The following CHN2 variants were observed in gnomAD, a reference collection of about 807,000 sequenced individuals.
The protein encoded by CHN2 is beta-chimaerin.
In CHN2, 35 loss-of-function variants were observed where a neutral mutation model predicts 56.3. That is an observed-to-expected ratio of 0.62 (90% CI 0.47 to 0.82). The LOEUF (loss-of-function observed/expected upper bound fraction) is 0.82, where lower values mean the gene tolerates loss of function less well. Among genes scored for constraint, CHN2 ranks in the 40% least tolerant of loss-of-function variants. CHN2 has a pLI of 0.00. For synonymous variants in CHN2, 210 were observed against 212.8 expected (o/e 0.99, Z 0.12); for missense variants, 491 against 580.5 (o/e 0.85, Z 1.58).
chr7:29,360,578 T>C (rs1293534808), intron 2 of CHN2, among the ~76,000 whole-genome samples: 1 of 152,010 alleles, frequency 6.6e-6, no homozygotes, highest in Non-Finnish European at 1.5e-5. Flanking sequence ...CATGGCAGGG[T>C]GGAGGGTGGG....
intron 2 of CHN2, among the ~76,000 whole-genome samples, chr7:29,171,466 A>T (rs1364954460): frequency 2.6e-5 from 4 of 152,194 alleles, no homozygotes; most frequent in Non-Finnish European, 5.9e-5. Context: ...GTAAACTAAT[A>T]GGGTGGGGAT....
At chr7:29,380,103 C>A (rs1045032522) in intron 3 of CHN2, among the ~76,000 whole-genome samples, 2 of 152,112 alleles carry the variant, frequency 1.3e-5, no homozygotes, top group Non-Finnish European at 2.9e-5. Context: ...GGACTGTGGG[C>A]AAATTAGTTA....
intron 1 of CHN2, among the ~76,000 whole-genome samples, chr7:29,269,827 C>T (rs1440113080): frequency 6.6e-6 from 1 of 152,212 alleles, no homozygotes. Context: ...CCATCATAGT[C>T]TCAGCTTTTC....
intron 1 of CHN2, among the ~76,000 whole-genome samples, chr7:29,206,757 G>GAGCC (rs1274328415): frequency 2.0e-5 from 3 of 152,170 alleles, no homozygotes; most frequent in Non-Finnish European, 4.4e-5. Flanking sequence ...TCAACATGGA[G>GAGCC]AGCCACAGGG....
chr7:29,360,735 A>G (rs1329760611), intron 2 of CHN2, among the ~76,000 whole-genome samples: 1 of 152,066 alleles, frequency 6.6e-6, no homozygotes, highest in East Asian at 1.9e-4. Context: ...GGGTCCATAT[A>G]CCCTCCTTAG....
chr7:29,385,927 A>G (rs956381120), intron 3 of CHN2, among the ~76,000 whole-genome samples: 2 of 152,196 alleles, frequency 1.3e-5, no homozygotes, highest in Admixed American at 6.6e-5. Context: ...TCAGGTTGCT[A>G]AAGTATCCAA....
intron 6 of CHN2, among the ~76,000 whole-genome samples, chr7:29,434,944 T>C (rs1168442816): frequency 1.5e-4 from 23 of 151,784 alleles, no homozygotes; most frequent in Admixed American, 1.5e-3. Context: ...ATACAAAAAA[T>C]TAGCCAGACA....
chr7:29,499,055 C>G (rs550696708), intron 8 of CHN2, among the ~76,000 whole-genome samples: 1 of 152,120 alleles, frequency 6.6e-6, no homozygotes, highest in Non-Finnish European at 1.5e-5. Flanking sequence ...CCACCACGCC[C>G]GGCCAACTGT....
intron 1 of CHN2, among the ~76,000 whole-genome samples, chr7:29,282,659 A>T (rs1156728670): frequency 6.6e-6 from 1 of 152,202 alleles, no homozygotes; most frequent in African/African-American, 2.4e-5. Flanking sequence ...GTAAAGGAGA[A>T]TTTTTTACCT....
intron 1 of CHN2, among the ~76,000 whole-genome samples, chr7:29,345,849 A>T (rs1797395192): frequency 6.6e-6 from 1 of 152,080 alleles, no homozygotes; most frequent in Non-Finnish European, 1.5e-5. Context: ...TGGCTTCATC[A>T]TCTTCAGAAA....
At chr7:29,370,878 T>C (rs1028081320) in intron 3 of CHN2, among the ~76,000 whole-genome samples, 9 of 152,156 alleles carry the variant, frequency 5.9e-5, no homozygotes, top group Non-Finnish European at 1.3e-4. Flanking sequence ...ACCCACATAC[T>C]TAGCAAATCC....
intron 6 of CHN2, among the ~76,000 whole-genome samples, chr7:29,422,908 C>T (rs1274017672): frequency 6.6e-6 from 1 of 152,110 alleles, no homozygotes; most frequent in East Asian, 1.9e-4. Flanking sequence ...GGGGCAAATG[C>T]AAATGAAAAA....
chr7:29,472,946 G>T (rs377100477), intron 6 of CHN2, among the ~76,000 whole-genome samples: 55 of 152,318 alleles, frequency 3.6e-4, no homozygotes, highest in Middle Eastern at 3.4e-3. Context: ...ACCTGATTCT[G>T]GGCCTGTTTC....
intron 6 of CHN2, 139 bp from the exon 7 acceptor site, chr7:29,480,139 AT>A (rs1787003634): frequency 6.4e-7 from 1 of 1,563,610 alleles, no homozygotes; most frequent in African/African-American, 1.4e-5. Flanking sequence ...TGGCTGGAAA[AT>A]GAGAAAAAGT....
intron 1 of CHN2, among the ~76,000 whole-genome samples, chr7:29,313,466 C>T (rs974726446): frequency 6.6e-6 from 1 of 151,808 alleles, no homozygotes; most frequent in African/African-American, 2.4e-5. Context: ...TGTCAGCTCA[C>T]TCTCAGAAAA....
intron 6 of CHN2, among the ~76,000 whole-genome samples, chr7:29,427,588 C>G (rs1054054075): frequency 4.1e-5 from 6 of 147,408 alleles, no homozygotes; most frequent in African/African-American, 7.8e-5. Flanking sequence ...CAACTCCCAT[C>G]CAAACTGGTT....
intron 7 of CHN2, among the ~76,000 whole-genome samples, chr7:29,486,614 C>T (rs1252458488): frequency 1.3e-5 from 2 of 152,092 alleles, no homozygotes; most frequent in South Asian, 2.1e-4. Flanking sequence ...CCCATCAGGA[C>T]GTAGGGGAAA....
chr7:29,370,522 G>A (rs1359622950), intron 3 of CHN2, among the ~76,000 whole-genome samples: 1 of 151,880 alleles, frequency 6.6e-6, no homozygotes, highest in Non-Finnish European at 1.5e-5. Context: ...CGCAGCTCTG[G>A]GCCCTTTTTC....
At chr7:29,470,352 AT>A (rs1195990675) in intron 6 of CHN2, among the ~76,000 whole-genome samples, 1 of 152,238 alleles carries the variant, frequency 6.6e-6, no homozygotes, top group Non-Finnish European at 1.5e-5. Context: ...ATTCTTAAAT[AT>A]CCCCAAGAAC....
Sources: allele counts gnomAD v4.1 joint callset (sites outside exome capture counted in the v4.1 genomes callset), GRCh38; gene constraint gnomAD v4.1.1; transcripts MANE v1.5; gene names NCBI Gene and HGNC (gene_info 2026-07-23, HGNC 2026-07-21).